The following ATP8B4 variants were observed in gnomAD, a reference collection of about 807,000 sequenced individuals.
The protein encoded by ATP8B4 is ATPase phospholipid transporting 8B4 (putative), also known as probable phospholipid-transporting ATPase IM.
In ATP8B4, 133 loss-of-function variants were observed where a neutral mutation model predicts 145.6. The observed-to-expected ratio is 0.91, with a 90% CI of 0.79 to 1.05. The LOEUF is 1.05. ATP8B4 is among the 50% of genes least tolerant of loss of function. ATP8B4 has a pLI of 0.00. For synonymous variants in ATP8B4, 507 were observed against 492.9 expected, an observed-to-expected ratio of 1.03 and a Z score of -0.38; for missense variants, 1,458 against 1,425.2, an observed-to-expected ratio of 1.02 and a Z score of -0.37.
At chr15:50,034,199 A>G (rs1027401823) in intron 6 of ATP8B4, among the ~76,000 whole-genome samples, 6 of 146,298 alleles carry the variant, frequency 4.1e-5, no homozygotes, top group Non-Finnish European at 7.5e-5. Flanking sequence ...GATGCTTGCC[A>G]TTTTGGATTA....
chr15:49,892,161 A>C (rs2153423325), intron 23 of ATP8B4, among the ~76,000 whole-genome samples: 1 of 152,216 alleles, frequency 6.6e-6, no homozygotes, highest in South Asian at 2.1e-4. Flanking sequence ...AGAATAGTTA[A>C]ATAATTTATA....
At chr15:49,868,728 T>A (rs1173436868) in intron 25 of ATP8B4, among the ~76,000 whole-genome samples, 1 of 152,160 alleles carries the variant, frequency 6.6e-6, no homozygotes, top group Non-Finnish European at 1.5e-5. Flanking sequence ...AACTGTTTAA[T>A]TGAAGAAGCA....
At chr15:49,865,455 C>T (rs1421811632) in intron 26 of ATP8B4, among the ~76,000 whole-genome samples, 1 of 152,196 alleles carries the variant, frequency 6.6e-6, no homozygotes, top group Non-Finnish European at 1.5e-5. Context: ...TGGGGGGAAA[C>T]CCCAATTTAT....
intron 7 of ATP8B4, among the ~76,000 whole-genome samples, chr15:50,007,857 T>C (rs2048427371): frequency 6.6e-6 from 1 of 152,082 alleles, no homozygotes; most frequent in African/African-American, 2.4e-5. Flanking sequence ...GCTGAGTAGA[T>C]AGACATGGAA....
intron 2 of ATP8B4, among the ~76,000 whole-genome samples, chr15:50,083,624 C>A (rs1231491341): frequency 2.0e-5 from 3 of 152,182 alleles, no homozygotes; most frequent in African/African-American, 7.2e-5. Flanking sequence ...CAAGAAAGAG[C>A]TCTGAAGAGA....
At chr15:49,923,564 G>C in intron 16 of ATP8B4, 70 bp from the exon 17 acceptor site, 1 of 1,087,412 alleles carries the variant, frequency 9.2e-7, no homozygotes. Flanking sequence ...TTCTCCCAGA[G>C]CTCCAGCCTG....
At chr15:50,017,120 C>A (rs2049150445) in intron 6 of ATP8B4, among the ~76,000 whole-genome samples, 1 of 152,226 alleles carries the variant, frequency 6.6e-6, no homozygotes, top group African/African-American at 2.4e-5. Context: ...TGCCATGAAT[C>A]TTTGTGCTTC....
chr15:50,020,108 C>T lies in ATP8B4; in HGVS notation c.363-9191G>A, dbSNP rs1247447218. ...TAGCTGCAACTGCAGGTGCACACCA[C>T]CATGCCTGGCTAATTTTTATATTTT... On this transcript the variant is annotated intron_variant, in intron 6 of 27. Coordinates refer to ENST00000284509, the MANE Select transcript of ATP8B4 (RefSeq NM_024837.4). Among the ~76,000 whole-genome samples the T allele has an allele frequency of 3.3e-5, 5 of 152,044 alleles. No individual in the cohort carries two copies. The East Asian group carries it at 7.7e-4, about 23-fold the overall frequency.
At chr15:50,118,194 A>G (rs1046806755) in intron 1 of ATP8B4, among the ~76,000 whole-genome samples, 3 of 152,244 alleles carry the variant, frequency 2.0e-5, no homozygotes, top group African/African-American at 7.2e-5. Context: ...AATTTATTGT[A>G]TCTCAAAATA....
intron 6 of ATP8B4, among the ~76,000 whole-genome samples, chr15:50,013,680 T>C (rs1364939111): frequency 1.3e-5 from 2 of 152,126 alleles, no homozygotes; most frequent in Non-Finnish European, 2.9e-5. Context: ...AAAGGCACCA[T>C]AAAACATACG....
intron 20 of ATP8B4, among the ~76,000 whole-genome samples, chr15:49,905,694 ATTCT>A (rs1307108795): frequency 1.3e-5 from 2 of 152,156 alleles, no homozygotes; most frequent in African/African-American, 4.8e-5. Context: ...CTAGCTGGAA[ATTCT>A]TTATTTTTTT....
chr15:49,927,167 TG>T lies in ATP8B4; in HGVS notation c.1643-3674del, dbSNP rs528228075. 4.4e-3 allele frequency among the ~76,000 whole-genome samples: 668 copies of T among 150,896 alleles called. 7 individuals carry two copies. Among genetic ancestry groups the T allele is most frequent in the African/African-American group, 0.015 (638 of 41,518 alleles). On this transcript the variant is annotated intron_variant, in intron 16 of 27. Coordinates refer to ENST00000284509, the MANE Select transcript of ATP8B4 (RefSeq NM_024837.4). ...CTAATATAGTATATTCTGTTCCCTCTGGAAAAAAATCCTTTATAGAAATCAA... is the reference window on the plus strand; with the variant it reads ...CTAATATAGTATATTCTGTTCCCTCTGAAAAAAATCCTTTATAGAAATCAA...
chr15:50,086,243 A>G (rs2153649585), intron 2 of ATP8B4, among the ~76,000 whole-genome samples: 1 of 102,116 alleles, frequency 9.8e-6, no homozygotes, highest in Non-Finnish European at 1.7e-5. Context: ...ATAAAATAAT[A>G]TAGAGATCTA....
intron 1 of ATP8B4, among the ~76,000 whole-genome samples, chr15:50,164,600 T>C (rs4499183): frequency 0.097 from 14,693 of 152,226 alleles, 976 homozygotes; most frequent in African/African-American, 0.17. Context: ...CCTTGGCTGC[T>C]CCAGCTGGTG....
chr15:49,982,418 T>C (rs1567137323), intron 10 of ATP8B4: 1 of 152,136 alleles, frequency 6.6e-6, no homozygotes, highest in African/African-American at 2.4e-5. Flanking sequence ...ATTTCTTTTA[T>C]GGTAAAGATC....
At chr15:49,886,153 C>A (rs943761513) in intron 23 of ATP8B4, among the ~76,000 whole-genome samples, 1 of 152,180 alleles carries the variant, frequency 6.6e-6, no homozygotes, top group Non-Finnish European at 1.5e-5. Flanking sequence ...ATCTAACTCA[C>A]CCGTGGGGCC....
intron 3 of ATP8B4, among the ~76,000 whole-genome samples, chr15:50,057,171 T>C (rs1447262026): frequency 6.6e-6 from 1 of 152,196 alleles, no homozygotes; most frequent in African/African-American, 2.4e-5. Flanking sequence ...GGAGAACATA[T>C]AACTTTCTAT....
chr15:50,106,814 C>T (rs56757311), intron 2 of ATP8B4, 125 bp downstream of exon 2: 82,990 of 868,084 alleles, frequency 0.096, 4,426 homozygotes, highest in Middle Eastern at 0.13. Flanking sequence ...ATATAATCGT[C>T]GAAGTTCACT....
chr15:49,949,812 C>G (rs984412044), intron 14 of ATP8B4, among the ~76,000 whole-genome samples: 1 of 151,900 alleles, frequency 6.6e-6, no homozygotes, highest in Non-Finnish European at 1.5e-5. Flanking sequence ...TCATAAATAG[C>G]TATTATTTTG....
Sources: allele counts gnomAD v4.1 joint callset (sites outside exome capture counted in the v4.1 genomes callset), GRCh38; gene constraint gnomAD v4.1.1; transcripts MANE v1.5; gene names NCBI Gene and HGNC (gene_info 2026-07-23, HGNC 2026-07-21).